Variants in IQSEC2 observed in about 807,000 individuals in gnomAD.
IQSEC2 encodes IQ motif and SEC7 domain-containing protein 2.
In IQSEC2, 6 loss-of-function variants were observed where a neutral mutation model predicts 74.6. That is an observed-to-expected ratio of 0.08 (90% confidence interval 0.04 to 0.16). The LOEUF is 0.16. Among genes scored for constraint, IQSEC2 ranks in the 10% least tolerant of loss-of-function variants. IQSEC2 has a pLI of 1.00. For missense variants in IQSEC2, 734 were observed against 1,306.2 expected, an observed-to-expected ratio of 0.56 and a Z score of 6.75; for synonymous variants, 494 against 544.5, an observed-to-expected ratio of 0.91 and a Z score of 1.29.
chrX:53,292,409 G>A (rs1475083862), intron 1 of IQSEC2, among the ~76,000 whole-genome samples: 1 of 111,993 alleles, frequency 8.9e-6, no homozygotes, highest in Non-Finnish European at 1.9e-5. Flanking sequence ...TTTGTGACAC[G>A]AGGCCGATCC....
rs1556863027 is a variant in IQSEC2 at position 53,250,436 on chromosome X, C to T, written c.2140G>A (p.Gly714Ser). ...CTTAGACTGTCCCGAGAAGAGGAGC[C>T]GGAGCTGCAGTTGATGGTCTCATTG... ...NSNETINCSS[G>S]SSSRDSLREP... Residue 714 changes from glycine to serine, a missense_variant, in exon 5 of 15, where the codon GGC becomes AGC. Gly to Ser is a moderately conservative substitution (Grantham distance 56). Around this residue, in one of 12 missense-constraint regions of IQSEC2, gnomAD observed 204 missense variants for 305.4 expected, o/e 0.67. Coordinates refer to ENST00000642864, the MANE Select transcript of IQSEC2 (RefSeq NM_001111125.3). 4 of 1,210,209 alleles carry T rather than the reference C, an allele frequency of 3.3e-6. No homozygotes were observed. Among genetic ancestry groups the T allele is most frequent in the South Asian group, 1.8e-5 (1 of 56,800 alleles).
chrX:53,297,032 G>T (rs1191462810), intron 1 of IQSEC2, among the ~76,000 whole-genome samples: 2 of 107,536 alleles, frequency 1.9e-5, no homozygotes, highest in African/African-American at 3.4e-5. Flanking sequence ...ATAAGGTCTC[G>T]CTCTGTCACC....
intron 4 of IQSEC2, among the ~76,000 whole-genome samples, chrX:53,253,934 A>G (rs1303051994): frequency 8.9e-6 from 1 of 112,280 alleles, no homozygotes; most frequent in Non-Finnish European, 1.9e-5. Flanking sequence ...AGTTCCAAGT[A>G]GTGAGAACTT....
chrX:53,230,015 T>C (rs915936252), downstream of IQSEC2: 4 of 112,613 alleles, frequency 3.6e-5, no homozygotes, highest in Admixed American at 2.8e-4. Context: ...CGCGGTGCCA[T>C]GTGCTGTGCC....
At chrX:53,314,555 T>C (rs1280077056) in intron 1 of IQSEC2, among the ~76,000 whole-genome samples, 1 of 111,555 alleles carries the variant, frequency 9.0e-6, no homozygotes, top group Non-Finnish European at 1.9e-5. Context: ...GCCTGGGAAC[T>C]GGGTACAGCA....
chrX:53,261,670 T>TCACA (rs782091295), intron 2 of IQSEC2, among the ~76,000 whole-genome samples: 1 of 104,773 alleles, frequency 9.5e-6, no homozygotes, highest in Admixed American at 1.0e-4. Context: ...ACACACACAC[T>TCACA]CACACACACA....
intron 1 of IQSEC2, among the ~76,000 whole-genome samples, chrX:53,297,462 G>T (rs1188653161): frequency 9.1e-6 from 1 of 109,887 alleles, no homozygotes; most frequent in Non-Finnish European, 1.9e-5. Flanking sequence ...GAGTAGATGG[G>T]ACTACAGGCA....
rs2074377946 is a variant in IQSEC2 at position 53,250,910 on chromosome X, G to A, written c.1666C>T (p.Pro556Ser). ...TCCCGGGTTCCTGATGGCACTGGTG[G>A]AGGAACTGGCGGGAGAGGGGCTGGC... ...WAPAPLPPVP[P>S]PVPSGTREDG... The change falls in exon 5 of 15, where the codon CCA becomes TCA. Residue 556 changes from proline (P) to serine (S), a missense_variant. By Grantham distance (74) the Pro-to-Ser change is moderately conservative. Transcript: ENST00000642864. 8.3e-7 allele frequency: 1 copy of A among 1,209,619 alleles called. No homozygotes were observed. Among genetic ancestry groups the A allele is most frequent in the African/African-American group, 1.7e-5 (1 of 57,494 alleles).
rs373626625 is a variant in IQSEC2, at chrX:53,237,000, A to G, written c.3278-505T>C. On this transcript the variant is annotated intron_variant, in intron 12 of 14. Coordinates refer to ENST00000642864, the MANE Select transcript of IQSEC2 (RefSeq NM_001111125.3). ...GGCTCCTGGAAGGGCAGGAGCAGGA[A>G]ACTGACAGGAATCAAATCCTCTTAT... Among the ~76,000 whole-genome samples, 114 of 112,013 alleles carry G rather than the reference A, an allele frequency of 1.0e-3. No individual in the cohort carries two copies. In the South Asian group the frequency reaches 0.04, roughly 40 times the overall value.
At chrX:53,236,174 CCT>C in intron 13 of IQSEC2, 146 bp downstream of exon 13, 1 of 687,944 alleles carries the variant, frequency 1.5e-6, no homozygotes. Context: ...TCCCAGGCCC[CCT>C]GTGGCGCAGC....
chrX:53,290,314 G>A (rs1376308654), intron 2 of IQSEC2, among the ~76,000 whole-genome samples: 1 of 112,219 alleles, frequency 8.9e-6, no homozygotes, highest in Non-Finnish European at 1.9e-5. Flanking sequence ...AGGCCCAAAT[G>A]TATATCATCA....
intron 1 of IQSEC2, among the ~76,000 whole-genome samples, chrX:53,306,867 C>T (rs1556876762): frequency 1.8e-5 from 2 of 110,940 alleles, no homozygotes; most frequent in African/African-American, 6.6e-5. Context: ...AGGAGGGAGA[C>T]AGTCAGGCCA....
At chrX:53,248,573 G>T in intron 6 of IQSEC2, 148 bp downstream of exon 6, 1 of 631,432 alleles carries the variant, frequency 1.6e-6, no homozygotes, top group Non-Finnish European at 2.4e-6. Context: ...AGACCCCTTT[G>T]GGGCAGAAGG....
rs2074381530 is a variant in IQSEC2, at chrX:53,251,004, A to T, written c.1572T>A (p.Val524=). 8.3e-7 allele frequency: 1 copy of T among 1,209,940 alleles called. No individual in the cohort carries two copies. Among genetic ancestry groups the T allele is most frequent in the Non-Finnish European group, 1.1e-6 (1 of 895,157 alleles). Residue 524 remains valine (V), a synonymous_variant, in exon 5 of 15, where the codon GTT becomes GTA. Coordinates refer to ENST00000642864, the MANE Select transcript of IQSEC2 (RefSeq NM_001111125.3). ...GCAGTCGCTCAGGGGATTGTTGGGG[A>T]ACTGTGTCATCCAGGTAGAGGGGAA... ...SDLPLYLDDT[V]PQQSPERLPS... is the part of the protein sequence containing the mutation.
At position 53,320,545 on chromosome X, in the gene IQSEC2, G is replaced by T. The variant is rs1556880030; in HGVS notation, c.579C>A (p.Gly193=). ...EKEAGYSAAV[G]VGPRPPRERG... is the part of the protein sequence containing the mutation. ...GCTCCCGCGGTGGCCGCGGCCCCAC[G>T]CCCACCGCCGCCGAATAGCCCGCTT... The change falls in exon 1 of 15, where the codon GGC becomes GGA. Residue 193 remains glycine, a synonymous_variant. Coordinates refer to ENST00000642864, the MANE Select transcript of IQSEC2 (RefSeq NM_001111125.3). The T allele has an allele frequency of 8.7e-7, 1 of 1,154,000 alleles. No individual in the cohort carries two copies. Among genetic ancestry groups the T allele is most frequent in the Non-Finnish European group, 1.2e-6 (1 of 867,674 alleles).
chrX:53,228,640 A>C (rs183781615), downstream of IQSEC2, among the ~76,000 whole-genome samples: 6 of 112,015 alleles, frequency 5.4e-5, no homozygotes, highest in East Asian at 1.7e-3. Context: ...GGTTTGTAAA[A>C]TATGATCTCT....
At position 53,250,523 on chromosome X, in the gene IQSEC2, C is replaced by T. The variant is rs781830206; in HGVS notation, c.2053G>A (p.Glu685Lys). The T allele has an allele frequency of 1.8e-5, 22 of 1,210,458 alleles. No homozygotes were observed. In the East Asian group the frequency reaches 2.1e-4, roughly 11 times the overall value. The change falls in exon 5 of 15, where the codon GAG (glutamate) becomes AAG (lysine). Residue 685 changes from glutamate (E) to lysine (K), a missense_variant. Coordinates refer to ENST00000642864, the MANE Select transcript of IQSEC2 (RefSeq NM_001111125.3). The stretch of plus-strand genomic sequence containing the variant: ...CCATCAGAGTTCTCGCCTGCTGCCT[C>T]GCACTTCCCCAACCTCCGACCCCCA... ...VAGGRRLGKC[E>K]AAGENSDGGD... is the part of the protein sequence containing the mutation.
chrX:53,253,145 CT>C (rs1448741061), intron 4 of IQSEC2, among the ~76,000 whole-genome samples: 1 of 112,343 alleles, frequency 8.9e-6, no homozygotes, highest in Non-Finnish European at 1.9e-5. Flanking sequence ...AGCAGGGTGA[CT>C]TTTTCTCTTA....
At chrX:53,240,211 C>T (rs1212676506) in intron 10 of IQSEC2, among the ~76,000 whole-genome samples, 1 of 112,178 alleles carries the variant, frequency 8.9e-6, no homozygotes, top group East Asian at 2.8e-4. Context: ...GGAAATACTT[C>T]GGCTAAAGCA....
Sources: gnomAD v4.1 joint callset for allele counts (sites outside exome capture counted in the v4.1 genomes callset) on GRCh38, gnomAD v4.1.1 for gene constraint, gnomAD v4.1.1 regional missense constraint, MANE v1.5 for transcripts, NCBI Gene and HGNC (gene_info 2026-07-23, HGNC 2026-07-21) for gene names.